The following EYA3 variants were observed in gnomAD, a reference collection of about 807,000 sequenced individuals.
EYA3 encodes EYA transcriptional coactivator and phosphatase 3, also known as protein phosphatase EYA3.
In EYA3, 39 loss-of-function variants were observed where a neutral mutation model predicts 80.0. The observed-to-expected ratio is 0.49, with a 90% confidence interval of 0.38 to 0.64. The LOEUF (loss-of-function observed/expected upper bound fraction) is 0.64, where lower values mean the gene tolerates loss of function less well. Among genes scored for constraint, EYA3 ranks in the 30% least tolerant of loss-of-function variants. EYA3 has a pLI of 0.00. For synonymous variants in EYA3, 206 were observed against 232.8 expected, an observed-to-expected ratio of 0.88 and a Z score of 1.05; for missense variants, 523 against 676.1, an observed-to-expected ratio of 0.77 and a Z score of 2.51.
intron 16 of EYA3, among the ~76,000 whole-genome samples, chr1:27,984,547 A>G (rs909518441): frequency 6.6e-6 from 1 of 152,232 alleles, no homozygotes; most frequent in Non-Finnish European, 1.5e-5. Flanking sequence ...TATAACATAA[A>G]GAAGGAAAAC....
intron 3 of EYA3, among the ~76,000 whole-genome samples, chr1:28,045,973 G>A (rs2148871383): frequency 6.6e-6 from 1 of 152,292 alleles, no homozygotes; most frequent in African/African-American, 2.4e-5. Flanking sequence ...CAAATGGATA[G>A]ACCTTAAAGA....
rs756292292 is a variant in EYA3 at position 27,988,659 on chromosome 1, A to G, written c.1419-3T>C. 1 of 1,613,174 alleles carries G rather than the reference A, an allele frequency of 6.2e-7. No homozygotes were observed. Among genetic ancestry groups the G allele is most frequent in the Non-Finnish European group, 8.5e-7 (1 of 1,179,798 alleles). On this transcript the variant is annotated splice_region_variant and splice_polypyrimidine_tract_variant and intron_variant, in intron 15 of 17. Transcript: ENST00000373871. ...TCAGAACATTCACACAATTCTTTCT[A>G]TAAGGGAGTAAAAGGGAAAAGAAAA...
chr1:28,056,029 T>C (rs1182857567), intron 2 of EYA3, among the ~76,000 whole-genome samples: 5 of 152,122 alleles, frequency 3.3e-5, no homozygotes, highest in African/African-American at 1.2e-4. Context: ...GTCATTACTC[T>C]TCCTGTTCTA....
chr1:28,075,232 G>A (rs1645160077), intron 1 of EYA3, among the ~76,000 whole-genome samples: 2 of 152,160 alleles, frequency 1.3e-5, no homozygotes, highest in South Asian at 2.1e-4. Context: ...TAGATTCCCA[G>A]AAATATACCA....
chr1:28,013,370 C>T lies in EYA3; in HGVS notation c.586-76G>A. On this transcript the variant is annotated intron_variant, in intron 8 of 17. Transcript: ENST00000373871. The surrounding 1 kb of genome is among the most constrained non-coding windows in gnomAD (Gnocchi z 4.0). The stretch of plus-strand genomic sequence containing the variant: ...CTCAACACAAGAGGCTTTCTTCTCC[C>T]TCTTTCTTATTCATAATTATTTTTC... 1 of 1,216,656 alleles carries T rather than the reference C, an allele frequency of 8.2e-7. No homozygotes were observed. Among genetic ancestry groups the T allele is most frequent in the Non-Finnish European group, 1.1e-6 (1 of 893,892 alleles). 75.4% of individuals were successfully genotyped at this position (1,216,656 alleles called of 1,614,324 possible).
rs1197887878 is a variant in EYA3, at chr1:28,038,896, C to T, written c.167G>A (p.Cys56Tyr). 3 of 1,592,440 alleles carry T rather than the reference C, an allele frequency of 1.9e-6. No homozygotes were observed. Among genetic ancestry groups the T allele is most frequent in the Admixed American group, 3.4e-5 (2 of 59,272 alleles). Residue 56 changes from cysteine to tyrosine, a missense_variant, in exon 5 of 18, where the codon TGC becomes TAC. Cys to Tyr is a radical substitution (Grantham distance 194). Transcript: ENST00000373871. ...GGATGAGCGAGGGATGTAATCGGTG[C>T]ATGTCATAACTGAAAGAAAGATAAT... ...NLPMSEEIMT[C>Y]TDYIPRSSND...
At chr1:27,998,375 T>C (rs1156634058) in intron 12 of EYA3, 20 of 940,476 alleles carry the variant, frequency 2.1e-5, no homozygotes, top group Non-Finnish European at 2.3e-5. Context: ...ACAAATACAA[T>C]TGGCAATAAT....
chr1:27,981,598 A>C (rs768071832), intron 16 of EYA3, among the ~76,000 whole-genome samples: 1 of 152,088 alleles, frequency 6.6e-6, no homozygotes, highest in Non-Finnish European at 1.5e-5. Context: ...TTGACAACAA[A>C]GTGAGACCCC....
Position 28,058,092 on chromosome 1 carries a change from A to C in EYA3, c.-66T>G, listed in dbSNP as rs1571915963. ...GCAAGTCTCTCTCAGCAGTTTTCAC[A>C]ATCTGTTTTTAAAAAGGAGGATTCA... is the stretch of plus-strand genomic sequence containing the variant. On this transcript the variant is annotated splice_region_variant and 5_prime_UTR_variant, in exon 2 of 18. The change creates a new upstream start codon in the 5' untranslated region. Transcript: ENST00000373871. The C allele has an allele frequency of 7.4e-7, 1 of 1,353,870 alleles. No homozygotes were observed. The highest frequency in any genetic ancestry group is 1.4e-5 in the African/African-American group (1 of 69,232). 83.9% of individuals were successfully genotyped at this position (1,353,870 alleles called of 1,614,324 possible).
At position 27,974,531 on chromosome 1, in the gene EYA3, A is replaced by C; in HGVS notation, c.1657T>G (p.Trp553Gly). 3 of 1,612,794 alleles carry C rather than the reference A, an allele frequency of 1.9e-6. No individual in the cohort carries two copies. The highest frequency in any genetic ancestry group is 2.5e-6 in the Non-Finnish European group (3 of 1,178,926). Residue 553 changes from tryptophan to glycine, a missense_variant, in exon 18 of 18, where the codon TGG (tryptophan) becomes GGG (glycine). This residue lies in a region of EYA3 where 219 missense variants were observed against 332.8 expected (regional missense o/e 0.66). Coordinates refer to ENST00000373871, the MANE Select transcript of EYA3 (RefSeq NM_001990.4). ...IAAKQHNMPF[W>G]RITNHGDLVS... ...AGGTCTCCATGGTTTGTGATCCTCC[A>C]GAAAGGCATGTTGTGCTGGAAGAGA... is the stretch of plus-strand genomic sequence containing the variant.
At chr1:27,981,069 C>A (rs1287269143) in intron 16 of EYA3, among the ~76,000 whole-genome samples, 1 of 152,176 alleles carries the variant, frequency 6.6e-6, no homozygotes, top group African/African-American at 2.4e-5. Context: ...ACAAAAAAAA[C>A]TTCTGACATT....
intron 7 of EYA3, among the ~76,000 whole-genome samples, chr1:28,021,906 A>C (rs1642463942): frequency 6.6e-6 from 1 of 152,072 alleles, no homozygotes; most frequent in South Asian, 2.1e-4. Flanking sequence ...CGCCCAGCCT[A>C]AAATCATTAT....
chr1:28,074,804 G>A (rs571283667), intron 1 of EYA3, among the ~76,000 whole-genome samples: 2 of 152,252 alleles, frequency 1.3e-5, no homozygotes, highest in East Asian at 3.9e-4. Context: ...ATAAGGTAAT[G>A]TGACAACTCG....
intron 11 of EYA3, among the ~76,000 whole-genome samples, chr1:28,003,945 A>G (rs1007001507): frequency 6.6e-6 from 1 of 152,222 alleles, no homozygotes; most frequent in African/African-American, 2.4e-5. Context: ...TCTGGCATAT[A>G]TTTGGCTAAA....
intron 12 of EYA3, among the ~76,000 whole-genome samples, chr1:27,997,698 T>C (rs981229068): frequency 6.6e-6 from 1 of 152,228 alleles, no homozygotes; most frequent in Non-Finnish European, 1.5e-5. Flanking sequence ...CACCAGACTG[T>C]AAGTCCTATT....
intron 3 of EYA3, among the ~76,000 whole-genome samples, chr1:28,043,964 C>T (rs1409325143): frequency 6.6e-6 from 1 of 152,184 alleles, no homozygotes; most frequent in Non-Finnish European, 1.5e-5. Context: ...AACACAAACA[C>T]CTCATTTTCT....
chr1:28,073,121 A>ATTT (rs1557646031), intron 1 of EYA3, among the ~76,000 whole-genome samples: 13 of 45,794 alleles, frequency 2.8e-4, no homozygotes, highest in African/African-American at 1.4e-3. Flanking sequence ...ATATATATAT[A>ATTT]TATATATTTT....
At chr1:27,993,335 C>T in intron 14 of EYA3, 65 bp downstream of exon 14, 1 of 1,513,138 alleles carries the variant, frequency 6.6e-7, no homozygotes, top group Non-Finnish European at 9.0e-7. Context: ...CTAAGGAATC[C>T]CTGGAAAGAA....
chr1:28,041,612 A>C (rs992134812), intron 4 of EYA3, among the ~76,000 whole-genome samples: 12 of 152,154 alleles, frequency 7.9e-5, no homozygotes, highest in Non-Finnish European at 1.3e-4. Context: ...TAAAGTAAAA[A>C]TAGAAAGGTA....
Sources: gnomAD v4.1 joint callset for allele counts (sites outside exome capture counted in the v4.1 genomes callset) on GRCh38, gnomAD v4.1.1 for gene constraint, gnomAD v4.1.1 regional missense constraint, Gnocchi (gnomAD v3.1) non-coding constraint, MANE v1.5 for transcripts, NCBI Gene and HGNC (gene_info 2026-07-23, HGNC 2026-07-21) for gene names.